The following MPLKIP variants were observed in gnomAD, a reference collection of about 807,000 sequenced individuals.
MPLKIP encodes the protein M-phase-specific PLK1-interacting protein.
Under a neutral mutation model 16.9 loss-of-function variants are expected in MPLKIP, and 16 were observed. That is an observed-to-expected ratio of 0.94 (90% CI 0.64 to 1.43). MPLKIP has a LOEUF of 1.43. Ranked by LOEUF, MPLKIP falls within the 40% of genes most tolerant of loss-of-function variation. The probability of loss-of-function intolerance (pLI) is 0.00; values close to 1 mark genes in which losing one functional copy is unlikely to be tolerated. For missense variants in MPLKIP, 282 were observed against 237.6 expected (o/e 1.19, Z -1.23); for synonymous variants, 126 against 98.4 (o/e 1.28, Z -1.66).
In MPLKIP at chr7:40,134,329, G is replaced by C. The variant is rs1562783134; in HGVS notation, c.239C>G (p.Ser80Cys). 2 of 1,553,540 alleles carry C rather than the reference G, an allele frequency of 1.3e-6. No individual in the cohort carries two copies. The highest frequency in any genetic ancestry group is 1.7e-6 in the Non-Finnish European group (2 of 1,149,128). The stretch of plus-strand genomic sequence containing the variant: ...GCCAGGGTAGCCGCCAGGGGACGGA[G>C]ACCCGAACCGGCCCCCCGGGAAGCT... ...GGSFPGGRFGSPSPGGYPGSY... is the reference protein window; with the variant it reads ...GGSFPGGRFGCPSPGGYPGSY... The change falls in exon 1 of 2, where the codon TCT becomes TGT. Residue 80 changes from serine to cysteine, a missense_variant. Ser to Cys is a moderately radical substitution (Grantham distance 112, BLOSUM62 -1). Transcript: ENST00000306984.
rs776528940 is a variant in MPLKIP at position 40,134,290 on chromosome 7, G to T, written c.278C>A (p.Ser93Tyr). Reference sequence around the variant, plus strand: ...GAATTGCTGCTGGGACCCCGCGGGGGACCTGGAGTAGGAGCCAGGGTAGCC... The same window carrying T: ...GAATTGCTGCTGGGACCCCGCGGGGTACCTGGAGTAGGAGCCAGGGTAGCC... ...PGGYPGSYSR[S>Y]PAGSQQQFGY... The change falls in exon 1 of 2, where the codon TCC (serine) becomes TAC (tyrosine). Residue 93 changes from serine to tyrosine, a missense_variant. Transcript: ENST00000306984. 1.3e-4 allele frequency: 199 copies of T among 1,559,758 alleles called. No homozygotes were observed. The highest frequency in any genetic ancestry group is 1.2e-4 in the Non-Finnish European group (143 of 1,151,970).
At position 40,132,765 on chromosome 7, in the gene MPLKIP, T is replaced by G. The variant is rs1437754739; in HGVS notation, c.*294A>C. On this transcript the variant is annotated 3_prime_UTR_variant, in exon 2 of 2. Coordinates refer to ENST00000306984, the MANE Select transcript of MPLKIP (RefSeq NM_138701.4). Reference sequence around the variant, plus strand: ...AGCTAGAAGACAAAATGTTTTATTTTAAAACATTGAAAAAACATTAAAAGA... The same window carrying G: ...AGCTAGAAGACAAAATGTTTTATTTGAAAACATTGAAAAAACATTAAAAGA... The G allele has an allele frequency of 5.0e-6, 2 of 402,492 alleles. No individual in the cohort carries two copies. Among genetic ancestry groups the G allele is most frequent in the Admixed American group, 8.0e-5 (2 of 24,926 alleles). 24.9% of individuals were successfully genotyped at this position (402,492 alleles called of 1,614,324 possible).
In MPLKIP at chr7:40,129,339, C is replaced by T. The variant is rs1392140559; in HGVS notation, c.*3720G>A. ...TGGCACTATCTCGGCTCACTGCAAC[C>T]TCTGCCTCCTGGGTTCAAGTGATTC... On this transcript the variant is annotated 3_prime_UTR_variant, in exon 2 of 2. Coordinates refer to ENST00000306984, the MANE Select transcript of MPLKIP (RefSeq NM_138701.4). The T allele has an allele frequency of 4.6e-5, 7 of 151,794 alleles. No individual in the cohort carries two copies. Among genetic ancestry groups the T allele is most frequent in the Admixed American group, 4.6e-4 (7 of 15,226 alleles). The allele number at this position is 151,794 out of a possible 1,614,324, so 9.4% of individuals were successfully genotyped here.
rs979153497 is a variant in MPLKIP at position 40,134,395 on chromosome 7, G to A, written c.173C>T (p.Ser58Phe). 3 of 1,561,910 alleles carry A rather than the reference G, an allele frequency of 1.9e-6. No homozygotes were observed. The South Asian group carries it at 3.5e-5, about 18-fold the overall frequency. ...AGAGTGACTGCTCCCGTACGGCCTA[G>A]ACCGGGGCCCGTACGGCGGCGTGTG... ...PHHTPPYGPR[S>F]RPYGSSHSPR... is the part of the protein sequence containing the mutation. The change falls in exon 1 of 2, where the codon TCT (serine) becomes TTT (phenylalanine). Residue 58 changes from serine to phenylalanine, a missense_variant. By Grantham distance (155) the Ser-to-Phe change is radical. Coordinates refer to ENST00000306984, the MANE Select transcript of MPLKIP (RefSeq NM_138701.4).
rs1232044062 is a variant in MPLKIP, at chr7:40,132,519, T to C, written c.*540A>G. On this transcript the variant is annotated 3_prime_UTR_variant, in exon 2 of 2. Coordinates refer to ENST00000306984, the MANE Select transcript of MPLKIP (RefSeq NM_138701.4). ...GGGTTTCTGGGGCTTCAAGTTTTAA[T>C]GCATTTTAACAGAAGCATTAGATAA... 51 of 163,246 alleles carry C rather than the reference T, an allele frequency of 3.1e-4. 1 individual carries two copies. Among genetic ancestry groups the C allele is most frequent in the Admixed American group, 3.0e-3 (51 of 16,924 alleles). 10.1% of individuals were successfully genotyped at this position (163,246 alleles called of 1,614,324 possible). A position where few individuals can be genotyped will look rare whatever the true frequency, so the allele number is the denominator to read the frequency against.
rs1483017140 is a variant in MPLKIP at position 40,130,180 on chromosome 7, A to G, written c.*2879T>C. ...TAGACTACACTTCCATCCTTTAAGC[A>G]TATGAATTTTTAAGATGTATACTTA... On this transcript the variant is annotated 3_prime_UTR_variant, in exon 2 of 2. Transcript: ENST00000306984. 6.6e-6 allele frequency: 1 copy of G among 152,236 alleles called. No homozygotes were observed. Among genetic ancestry groups the G allele is most frequent in the East Asian group, 1.9e-4 (1 of 5,196 alleles). The allele number at this position is 152,236 out of a possible 1,614,324, so 9.4% of individuals were successfully genotyped here. A position where few individuals can be genotyped will look rare whatever the true frequency, so the allele number is the denominator to read the frequency against.
rs975597928 is a variant in MPLKIP, at chr7:40,126,433, A to G, written c.*6626T>C. 2 of 152,060 alleles carry G rather than the reference A, an allele frequency of 1.3e-5. No individual in the cohort carries two copies. The highest frequency in any genetic ancestry group is 4.8e-5 in the African/African-American group (2 of 41,404). 9.4% of individuals were successfully genotyped at this position (152,060 alleles called of 1,614,324 possible). The stretch of plus-strand genomic sequence containing the variant: ...AGATTGTTGGCAATCTTTCAACTGT[A>G]AAAATTTTTTTCTTTTTTGAGACAG... On this transcript the variant is annotated 3_prime_UTR_variant, in exon 2 of 2. Coordinates refer to ENST00000306984, the MANE Select transcript of MPLKIP (RefSeq NM_138701.4).
In MPLKIP at chr7:40,128,889, AT is replaced by A. The variant is rs1787425379; in HGVS notation, c.*4169del. The A allele has an allele frequency of 8.0e-6, 1 of 125,232 alleles. No individual in the cohort carries two copies. The highest frequency in any genetic ancestry group is 1.6e-5 in the Non-Finnish European group (1 of 63,704). The allele number at this position is 125,232 out of a possible 1,614,324, so 7.8% of individuals were successfully genotyped here. A position where few individuals can be genotyped will look rare whatever the true frequency, so the allele number is the denominator to read the frequency against. ...TGAGATCGTGCCACTGCACTCCAGC[AT>A]GGGTGACAGAACAAGACTTCGTCTC... On this transcript the variant is annotated 3_prime_UTR_variant, in exon 2 of 2. Transcript: ENST00000306984.
At position 40,131,847 on chromosome 7, in the gene MPLKIP, A is replaced by T. The variant is rs1215297659; in HGVS notation, c.*1212T>A. 1 of 139,726 alleles carries T rather than the reference A, an allele frequency of 7.2e-6. No homozygotes were observed. The highest frequency in any genetic ancestry group is 1.5e-5 in the Non-Finnish European group (1 of 67,970). The allele number at this position is 139,726 out of a possible 1,614,324, so 8.7% of individuals were successfully genotyped here. A position where few individuals can be genotyped will look rare whatever the true frequency, so the allele number is the denominator to read the frequency against. ...AGTGAGACCCTATTTCAAAAACAAA[A>T]CAAAACAAACAAAAAAAACAAAACA... On this transcript the variant is annotated 3_prime_UTR_variant, in exon 2 of 2. Coordinates refer to ENST00000306984, the MANE Select transcript of MPLKIP (RefSeq NM_138701.4).
Position 40,126,803 on chromosome 7 carries a change from TTC to T in MPLKIP, c.*6254_*6255del, listed in dbSNP as rs1198096140. ...TAACCCTAATTAAATAAAGCCGATT[TTC>T]TTTTTTTTTTTTTTATTTTGAGACA... On this transcript the variant is annotated 3_prime_UTR_variant, in exon 2 of 2. Coordinates refer to ENST00000306984, the MANE Select transcript of MPLKIP (RefSeq NM_138701.4). 2 of 151,486 alleles carry T rather than the reference TTC, an allele frequency of 1.3e-5. No homozygotes were observed. The highest frequency in any genetic ancestry group is 2.9e-5 in the Non-Finnish European group (2 of 67,920). The allele number at this position is 151,486 out of a possible 1,614,324, so 9.4% of individuals were successfully genotyped here.
rs1275508092 is a variant in MPLKIP, at chr7:40,126,813, T to A, written c.*6246A>T. ...TAAATAAAGCCGATTTTCTTTTTTTTTTTTTTATTTTGAGACAGAGTCTCG... is the reference window on the plus strand; with the variant it reads ...TAAATAAAGCCGATTTTCTTTTTTTATTTTTTATTTTGAGACAGAGTCTCG... On this transcript the variant is annotated 3_prime_UTR_variant, in exon 2 of 2. Transcript: ENST00000306984. 6.6e-6 allele frequency: 1 copy of A among 151,286 alleles called. No individual in the cohort carries two copies. Among genetic ancestry groups the A allele is most frequent in the Admixed American group, 6.6e-5 (1 of 15,154 alleles). 9.4% of individuals were successfully genotyped at this position (151,286 alleles called of 1,614,324 possible).
At position 40,130,004 on chromosome 7, in the gene MPLKIP, A is replaced by G. The variant is rs942781994; in HGVS notation, c.*3055T>C. The G allele has an allele frequency of 9.9e-5, 15 of 152,180 alleles. No individual in the cohort carries two copies. Among genetic ancestry groups the G allele is most frequent in the African/African-American group, 2.9e-4 (12 of 41,452 alleles). The allele number at this position is 152,180 out of a possible 1,614,324, so 9.4% of individuals were successfully genotyped here. A position where few individuals can be genotyped will look rare whatever the true frequency, so the allele number is the denominator to read the frequency against. ...GAACTGGCATGATCCCTTGATATGGATATGTTTTTATGTAGGTCAATTTTA... is the reference window on the plus strand; with the variant it reads ...GAACTGGCATGATCCCTTGATATGGGTATGTTTTTATGTAGGTCAATTTTA... On this transcript the variant is annotated 3_prime_UTR_variant, in exon 2 of 2. Coordinates refer to ENST00000306984, the MANE Select transcript of MPLKIP (RefSeq NM_138701.4).
At chr7:40,134,043 T>G (rs904928248) in intron 1 of MPLKIP, among the ~76,000 whole-genome samples, 186 bp downstream of exon 1, 2 of 152,166 alleles carry the variant, frequency 1.3e-5, no homozygotes, top group African/African-American at 4.8e-5. Flanking sequence ...CGTACGGCTC[T>G]GCCACTCTTT....
rs761977352 is a variant in MPLKIP at position 40,134,611 on chromosome 7, C to T, written c.-44G>A. On this transcript the variant is annotated 5_prime_UTR_variant, in exon 1 of 2. Transcript: ENST00000306984. ...AAACCTCGCAGCCGCGTTCTCCCAC[C>T]GGAACTGTATCAACCGGCCCTCCGC... is the stretch of plus-strand genomic sequence containing the variant. 1.0e-5 allele frequency: 16 copies of T among 1,539,410 alleles called. No individual in the cohort carries two copies. Among genetic ancestry groups the T allele is most frequent in the Non-Finnish European group, 1.4e-5 (16 of 1,142,520 alleles).
rs1404765588 is a variant in MPLKIP, at chr7:40,134,385, G to C, written c.183C>G (p.Tyr61Ter). Residue 61 changes from tyrosine (Y) to a stop codon, truncating the protein, a stop_gained, in exon 1 of 2, where the codon TAC (tyrosine) becomes TAG (stop). Coordinates refer to ENST00000306984, the MANE Select transcript of MPLKIP (RefSeq NM_138701.4). LOFTEE classifies it high-confidence loss of function. ...CGTGTCGCGGAGAGTGACTGCTCCCGTACGGCCTAGACCGGGGCCCGTACG... is the reference window on the plus strand; with the variant it reads ...CGTGTCGCGGAGAGTGACTGCTCCCCTACGGCCTAGACCGGGGCCCGTACG... Reference protein sequence around the residue: ...TPPYGPRSRPYGSSHSPRHGG... With the variant: ...TPPYGPRSRP 5 of 1,559,058 alleles carry C rather than the reference G, an allele frequency of 3.2e-6. No homozygotes were observed.
intron 1 of MPLKIP, 50 bp from the exon 2 acceptor site, chr7:40,133,309 C>G (rs1040509598): frequency 6.6e-7 from 1 of 1,516,002 alleles, no homozygotes; most frequent in African/African-American, 1.4e-5. Flanking sequence ...ATAATTGGTA[C>G]TTCTTCCTTT....
Position 40,134,619 on chromosome 7 carries a change from T to G in MPLKIP, c.-52A>C. The stretch of plus-strand genomic sequence containing the variant: ...CAGCCGCGTTCTCCCACCGGAACTG[T>G]ATCAACCGGCCCTCCGCAGAGAACT... On this transcript the variant is annotated 5_prime_UTR_variant, in exon 1 of 2. Transcript: ENST00000306984. 2 of 1,523,842 alleles carry G rather than the reference T, an allele frequency of 1.3e-6. No individual in the cohort carries two copies. Among genetic ancestry groups the G allele is most frequent in the South Asian group, 1.2e-5 (1 of 83,572 alleles). 94.4% of individuals were successfully genotyped at this position (1,523,842 alleles called of 1,614,324 possible).
Position 40,126,209 on chromosome 7 carries a change from C to G in MPLKIP, c.*6850G>C, listed in dbSNP as rs1299905667. Reference sequence around the variant, plus strand: ...TATTTACACTATGACCTTATATTTACCATTTATAGAGAGTACAGCATATTG... The same window carrying G: ...TATTTACACTATGACCTTATATTTAGCATTTATAGAGAGTACAGCATATTG... On this transcript the variant is annotated 3_prime_UTR_variant, in exon 2 of 2. Transcript: ENST00000306984. 1 of 152,150 alleles carries G rather than the reference C, an allele frequency of 6.6e-6. No homozygotes were observed. Among genetic ancestry groups the G allele is most frequent in the Non-Finnish European group, 1.5e-5 (1 of 68,038 alleles). 9.4% of individuals were successfully genotyped at this position (152,150 alleles called of 1,614,324 possible). A position where few individuals can be genotyped will look rare whatever the true frequency, so the allele number is the denominator to read the frequency against.
In MPLKIP at chr7:40,131,368, T is replaced by C. The variant is rs1198164341; in HGVS notation, c.*1691A>G. ...TTACTAGCTCTATCTTCGTATTTTG[T>C]AACTTCAAAATGCCTAGAGTCTGTG... On this transcript the variant is annotated 3_prime_UTR_variant, in exon 2 of 2. Transcript: ENST00000306984. 2.0e-5 allele frequency: 3 copies of C among 152,146 alleles called. No individual in the cohort carries two copies. The highest frequency in any genetic ancestry group is 4.8e-5 in the African/African-American group (2 of 41,388). 9.4% of individuals were successfully genotyped at this position (152,146 alleles called of 1,614,324 possible).
Sources: allele counts gnomAD v4.1 joint callset (sites outside exome capture counted in the v4.1 genomes callset), GRCh38; gene constraint gnomAD v4.1.1; transcripts MANE v1.5; gene names NCBI Gene and HGNC (gene_info 2026-07-23, HGNC 2026-07-21).